MTERF4: variants seen among roughly 807,000 people sequenced by gnomAD.
The protein encoded by MTERF4 is transcription termination factor 4, mitochondrial.
A neutral mutation model predicts 22.5 loss-of-function variants in MTERF4; 17 were observed. That is an observed-to-expected ratio of 0.75 (90% confidence interval 0.52 to 1.13). The LOEUF (loss-of-function observed/expected upper bound fraction) is 1.13, where lower values mean the gene tolerates loss of function less well. MTERF4 is among the 50% of genes most tolerant of loss of function. MTERF4 has a pLI of 0.00. For missense variants in MTERF4, 420 were observed against 466.8 expected, an observed-to-expected ratio of 0.90 and a Z score of 0.92; for synonymous variants, 165 against 175.3, an observed-to-expected ratio of 0.94 and a Z score of 0.47.
chr2:241,070,164 G>A (rs372223118), downstream of MTERF4: 50 of 1,598,976 alleles, frequency 3.1e-5, no homozygotes, highest in Non-Finnish European at 3.9e-5. Flanking sequence ...AGCTCGGGCC[G>A]CAGCACAGCG....
the MTERF4 span, chr2:241,062,945 A>G: frequency 7.5e-7 from 1 of 1,324,532 alleles, no homozygotes. Context: ...CAGCTGCAGC[A>G]CACTGGCCAT....
At chr2:241,074,639 C>T (rs547863484) in exon 5 of MTERF4, 4 of 152,298 alleles carry the variant, frequency 2.6e-5, no homozygotes, top group African/African-American at 9.6e-5. Flanking sequence ...GCACGAGATG[C>T]TCATGCCCTG....
chr2:241,070,292 G>T, downstream of MTERF4: 4 of 1,330,478 alleles, frequency 3.0e-6, no homozygotes, highest in Non-Finnish European at 4.0e-6. Context: ...AGGGGCCTGG[G>T]ATGCCAGGCA....
chr2:241,086,274 T>G (rs1286066402), downstream of MTERF4, among the ~76,000 whole-genome samples: 1 of 152,228 alleles, frequency 6.6e-6, no homozygotes, highest in Non-Finnish European at 1.5e-5. Flanking sequence ...GGATTCACCC[T>G]ATGCATGCAC....
At chr2:241,068,014 C>T, downstream of MTERF4, 2 of 1,437,282 alleles carry the variant, frequency 1.4e-6, no homozygotes, top group Non-Finnish European at 1.9e-6. This position sits in a 1 kb window ranked among gnomAD's most constrained non-coding sequence, Gnocchi z 5.3. Flanking sequence ...GGACACGGGG[C>T]CCAGGTCTCG....
At chr2:241,079,468 T>C (rs547059600) in intron 4 of MTERF4, among the ~76,000 whole-genome samples, 2 of 151,356 alleles carry the variant, frequency 1.3e-5, no homozygotes, top group South Asian at 4.2e-4. Flanking sequence ...TTGTCTTTTG[T>C]GTAGGAAAAT....
At chr2:241,068,054 C>A, downstream of MTERF4, 2 of 1,031,522 alleles carry the variant, frequency 1.9e-6, no homozygotes, top group South Asian at 1.6e-5. The surrounding 1 kb of genome is among the most constrained non-coding windows in gnomAD (Gnocchi z 5.3). Flanking sequence ...GACTGTACCA[C>A]CTGCCGCTCC....
the MTERF4 span, chr2:241,064,782 G>C: frequency 0.51 from 621,784 of 1,227,292 alleles, 162,548 homozygotes; most frequent in African/African-American, 0.79. The surrounding 1 kb of genome is among the most constrained non-coding windows in gnomAD (Gnocchi z 7.0). Flanking sequence ...GAGCAAGGGC[G>C]GGGCTGGAGC....
At chr2:241,049,204 G>GAGGC in the MTERF4 span, 2 of 1,150,880 alleles carry the variant, frequency 1.7e-6, no homozygotes, top group East Asian at 2.6e-5. Context: ...AGCGGTGGAT[G>GAGGC]AGGCAGGCAG....
rs977993854 is a variant in MTERF4 at position 241,075,860 on chromosome 2, T to C, written n.480-178A>G. ...TAGGTCATTAATCTGTTAGACTGTG[T>C]GTGTGTGAGAAGTTGGGCTACAATT... On this transcript the variant is annotated intron_variant and non_coding_transcript_variant, in intron 4 of 4. Coordinates refer to the MTERF4 transcript ENST00000464344. This position sits in a 1 kb window ranked among gnomAD's most constrained non-coding sequence, Gnocchi z 4.8. Among the ~76,000 whole-genome samples the C allele has an allele frequency of 6.6e-6, 1 of 152,172 alleles. No individual in the cohort carries two copies. Among genetic ancestry groups the C allele is most frequent in the African/African-American group, 2.4e-5 (1 of 41,426 alleles).
chr2:241,087,041 G>A (rs112035079), downstream of MTERF4: 13 of 206,150 alleles, frequency 6.3e-5, no homozygotes, highest in African/African-American at 2.5e-4. Flanking sequence ...AGAAAAGCGA[G>A]GCCATACCTT....
chr2:241,073,464 G>A lies in MTERF4; in HGVS notation n.2698C>T, dbSNP rs2062846392. On this transcript the variant is annotated non_coding_transcript_exon_variant, in exon 5 of 5. Transcript: ENST00000464344. This position sits in a 1 kb window ranked among gnomAD's most constrained non-coding sequence, Gnocchi z 6.6. ...GGGACCACCCACGGTGAGGAATCAGGAGGCACAGAGCCTACCTGAGGGGAG... is the reference window on the plus strand; with the variant it reads ...GGGACCACCCACGGTGAGGAATCAGAAGGCACAGAGCCTACCTGAGGGGAG... 3.1e-6 allele frequency: 3 copies of A among 978,716 alleles called. No homozygotes were observed. Among genetic ancestry groups the A allele is most frequent in the Admixed American group, 2.0e-5 (1 of 50,056 alleles). The allele number at this position is 978,716 out of a possible 1,614,324, so 60.6% of individuals were successfully genotyped here. A position where few individuals can be genotyped will look rare whatever the true frequency, so the allele number is the denominator to read the frequency against.
chr2:241,052,151 G>GAGATAGGTAAGGTGGGTGGGAGGCC, the MTERF4 span: 1 of 1,613,198 alleles, frequency 6.2e-7, no homozygotes, highest in Non-Finnish European at 8.5e-7. Flanking sequence ...GCGGCACTGC[G>GAGATAGGTAAGGTGGGTGGGAGGCC]AGATAGGTAA....
chr2:241,097,327 G>GA lies in MTERF4; in HGVS notation c.620dup (p.Thr208HisfsTer37). 6.2e-7 allele frequency: 1 copy of GA among 1,614,220 alleles called. No homozygotes were observed. Among genetic ancestry groups the GA allele is most frequent in the Non-Finnish European group, 8.5e-7 (1 of 1,180,040 alleles). ...AAATCTTGGTGACTTGCTGTACCGT[G>GA]AAAAGGCACTTCTCCTTGAGAAGCC... is the stretch of plus-strand genomic sequence containing the variant. On this transcript the variant is annotated frameshift_variant, in exon 3 of 4. Coordinates refer to ENST00000391980, the MANE Select transcript of MTERF4 (RefSeq NM_182501.4). LOFTEE classifies it high-confidence loss of function.
chr2:241,062,529 G>A, the MTERF4 span, among the ~76,000 whole-genome samples: 1 of 152,118 alleles, frequency 6.6e-6, no homozygotes, highest in African/African-American at 2.4e-5. Context: ...CTGAACCACT[G>A]GAATTAAGTC....
chr2:241,057,380 A>AAAAAAAAAAAATATATATATAT, the MTERF4 span, among the ~76,000 whole-genome samples: 3 of 118,114 alleles, frequency 2.5e-5, no homozygotes, highest in African/African-American at 1.1e-4. Flanking sequence ...TCCATCTCAA[A>AAAAAAAAAAAATATATATATAT]ATATATATAT....
chr2:241,066,845 C>T, the MTERF4 span, among the ~76,000 whole-genome samples: 2 of 152,192 alleles, frequency 1.3e-5, no homozygotes, highest in Non-Finnish European at 2.9e-5. Context: ...AGAAGGCATT[C>T]AAGGCAGCTT....
chr2:241,063,406 T>G, the MTERF4 span: 2 of 614,070 alleles, frequency 3.3e-6, no homozygotes, highest in South Asian at 3.6e-5. Context: ...GCAGTGGAGG[T>G]GGCACGCCTC....
chr2:241,101,011 C>T (rs763110681), intron 1 of MTERF4, among the ~76,000 whole-genome samples: 3 of 152,168 alleles, frequency 2.0e-5, no homozygotes, highest in Non-Finnish European at 4.4e-5. Context: ...CAGTCTTCAA[C>T]GTTTTTGGCA....
Sources: allele counts gnomAD v4.1 joint callset (sites outside exome capture counted in the v4.1 genomes callset), GRCh38; gene constraint gnomAD v4.1.1; non-coding constraint Gnocchi (gnomAD v3.1); transcripts MANE v1.5; gene names NCBI Gene and HGNC (gene_info 2026-07-23, HGNC 2026-07-21).